Variants in LRRC37A2 observed in about 807,000 individuals in gnomAD.
LRRC37A2 encodes the protein leucine rich repeat containing 37 member A2, also known as leucine-rich repeat-containing protein 37A2.
A neutral mutation model predicts 68.8 loss-of-function variants in LRRC37A2; 9 were observed. The ratio of observed to expected loss-of-function variants is 0.13; its 90% CI spans 0.08 to 0.23. The LOEUF is 0.23. Among genes scored for constraint, LRRC37A2 ranks in the 10% least tolerant of loss-of-function variants. The pLI, the probability that LRRC37A2 is intolerant of heterozygous loss-of-function variation, is 1.00. For synonymous variants in LRRC37A2, 63 were observed against 367.6 expected (o/e 0.17, Z 9.48); for missense variants, 168 against 950.4 (o/e 0.18, Z 10.82).
At chr17:46,831,817 C>A in the LRRC37A2 span, among the ~76,000 whole-genome samples, 2 of 152,252 alleles carry the variant, frequency 1.3e-5, no homozygotes, top group Non-Finnish European at 2.9e-5. Flanking sequence ...AGTGTCCCTG[C>A]AGGTTGAAAC....
the LRRC37A2 span, among the ~76,000 whole-genome samples, chr17:46,806,498 C>T: frequency 1.3e-5 from 2 of 152,142 alleles, no homozygotes; most frequent in Admixed American, 6.6e-5. Flanking sequence ...CGTGAGCCAC[C>T]GCGCCCAGCT....
the LRRC37A2 span, among the ~76,000 whole-genome samples, chr17:47,013,845 A>C: frequency 2.0e-5 from 3 of 152,238 alleles, no homozygotes; most frequent in Non-Finnish European, 4.4e-5. Flanking sequence ...AAAACTCAAG[A>C]GTAACAGGGC....
chr17:46,405,870 A>G, the LRRC37A2 span, among the ~76,000 whole-genome samples: 1 of 140,494 alleles, frequency 7.1e-6, no homozygotes, highest in African/African-American at 2.6e-5. Flanking sequence ...TTGGTTAAAT[A>G]TATTATATAA....
the LRRC37A2 span, among the ~76,000 whole-genome samples, chr17:46,828,728 C>A: frequency 6.6e-6 from 1 of 151,224 alleles, no homozygotes; most frequent in African/African-American, 2.4e-5. Flanking sequence ...GAGGCCAAGG[C>A]AGGCAGATTG....
At chr17:46,726,779 A>G in the LRRC37A2 span, among the ~76,000 whole-genome samples, 12 of 152,224 alleles carry the variant, frequency 7.9e-5, no homozygotes, top group Admixed American at 7.9e-4. Flanking sequence ...AGCTGACATC[A>G]ATGATAGTAT....
At chr17:46,986,748 A>C in the LRRC37A2 span, among the ~76,000 whole-genome samples, 1 of 152,224 alleles carries the variant, frequency 6.6e-6, no homozygotes. Context: ...ACCTAACTGC[A>C]TCCTATGTGC....
the LRRC37A2 span, among the ~76,000 whole-genome samples, chr17:46,470,659 A>G: frequency 1.2e-5 from 1 of 82,010 alleles, no homozygotes; most frequent in African/African-American, 3.8e-5. Flanking sequence ...AAAAATAAAA[A>G]TAAAAATAAA....
chr17:46,834,380 AG>A, the LRRC37A2 span, among the ~76,000 whole-genome samples: 165 of 152,204 alleles, frequency 1.1e-3, no homozygotes, highest in African/African-American at 3.6e-3. Flanking sequence ...GGGAGAGGGC[AG>A]GCTGCTGGGG....
chr17:46,814,044 G>C, the LRRC37A2 span, among the ~76,000 whole-genome samples: 198 of 152,316 alleles, frequency 1.3e-3, no homozygotes, highest in African/African-American at 4.5e-3. Context: ...CCAAAGTCCA[G>C]CTCCTGCCTC....
chr17:46,795,742 C>A, the LRRC37A2 span, among the ~76,000 whole-genome samples: 1 of 152,200 alleles, frequency 6.6e-6, no homozygotes, highest in Non-Finnish European at 1.5e-5. Flanking sequence ...TCAAAGCCAG[C>A]CCCACCCGGG....
chr17:47,024,828 C>T, the LRRC37A2 span: 1 of 636,858 alleles, frequency 1.6e-6, no homozygotes, highest in Non-Finnish European at 2.8e-6. Context: ...ATTAGATAAT[C>T]TCTCAGATTT....
chr17:46,494,311 A>T, the LRRC37A2 span, among the ~76,000 whole-genome samples: 140,545 of 148,206 alleles, frequency 0.95, 67,434 homozygotes, highest in East Asian at 1. Context: ...AAGTCTGATT[A>T]ACCACATTTT....
At chr17:46,851,481 G>A in the LRRC37A2 span, 1 of 350,992 alleles carries the variant, frequency 2.8e-6, no homozygotes, top group Non-Finnish European at 5.0e-6. This position sits in a 1 kb window ranked among gnomAD's most constrained non-coding sequence, Gnocchi z 4.3. Flanking sequence ...TGGGGCGGGG[G>A]GCTCGCCGCC....
At chr17:46,902,030 A>T in the LRRC37A2 span, among the ~76,000 whole-genome samples, 1 of 151,680 alleles carries the variant, frequency 6.6e-6, no homozygotes, top group African/African-American at 2.4e-5. Flanking sequence ...CTGGTCTTAA[A>T]CTCCTGACCT....
the LRRC37A2 span, among the ~76,000 whole-genome samples, chr17:46,814,508 C>G: frequency 2.0e-5 from 3 of 152,190 alleles, no homozygotes; most frequent in African/African-American, 7.2e-5. Context: ...CATATCCCCC[C>G]CAGGGAAAGG....
chr17:47,025,116 GT>G, the LRRC37A2 span, among the ~76,000 whole-genome samples: 1 of 152,150 alleles, frequency 6.6e-6, no homozygotes, highest in African/African-American at 2.4e-5. Flanking sequence ...GTTAAGAATG[GT>G]TTTTGCATTT....
the LRRC37A2 span, among the ~76,000 whole-genome samples, chr17:46,896,483 C>T: frequency 3.2e-5 from 4 of 126,630 alleles, no homozygotes; most frequent in African/African-American, 1.2e-4. Context: ...AAAGACAGAC[C>T]AAGGCCAGGT....
At chr17:46,392,423 T>TTTCTTTCTC in the LRRC37A2 span, among the ~76,000 whole-genome samples, 2 of 50,618 alleles carry the variant, frequency 4.0e-5, 1 homozygote, top group Admixed American at 3.7e-4. Context: ...CTCTCTCTCT[T>TTTCTTTCTC]TCTTTCTCTC....
chr17:46,917,476 C>A, the LRRC37A2 span, among the ~76,000 whole-genome samples: 2 of 152,188 alleles, frequency 1.3e-5, no homozygotes, highest in African/African-American at 4.8e-5. Flanking sequence ...CCTGGACATG[C>A]TGGGAGGCTG....
Sources: gnomAD v4.1 joint callset for allele counts (sites outside exome capture counted in the v4.1 genomes callset) on GRCh38, gnomAD v4.1.1 for gene constraint, Gnocchi (gnomAD v3.1) non-coding constraint, MANE v1.5 for transcripts, NCBI Gene and HGNC (gene_info 2026-07-23, HGNC 2026-07-21) for gene names.